The following CFAP161 variants were observed in gnomAD, a reference collection of about 807,000 sequenced individuals.
CFAP161 encodes the protein cilia and flagella associated protein 161.
A neutral mutation model predicts 29.0 loss-of-function variants in CFAP161; 25 were observed. That is an observed-to-expected ratio of 0.86 (90% CI 0.63 to 1.20). The LOEUF is 1.20. Ranked by LOEUF, CFAP161 falls within the 50% of genes most tolerant of loss-of-function variation. The pLI, the probability that CFAP161 is intolerant of heterozygous loss-of-function variation, is 0.00. For synonymous variants in CFAP161, 116 were observed against 137.4 expected, an observed-to-expected ratio of 0.84 and a Z score of 1.09; for missense variants, 367 against 371.9, an observed-to-expected ratio of 0.99 and a Z score of 0.11.
intron 6 of CFAP161, 119 bp from the exon 7 acceptor site, chr15:81,148,219 C>T (rs1359201689): frequency 2.9e-6 from 3 of 1,038,256 alleles, no homozygotes; most frequent in Non-Finnish European, 4.2e-6. Context: ...TTTAGAGATT[C>T]CCTAGGGCTT....
intron 2 of CFAP161, among the ~76,000 whole-genome samples, chr15:81,128,338 G>C (rs1894667068): frequency 6.6e-6 from 1 of 152,172 alleles, no homozygotes. Context: ...CTCAAACCCT[G>C]CTGCTGCCTT....
intron 1 of CFAP161, among the ~76,000 whole-genome samples, chr15:81,112,493 CAT>C (rs1894450681): frequency 1.3e-5 from 2 of 151,758 alleles, no homozygotes; most frequent in African/African-American, 4.8e-5. Context: ...AAAATTAAAA[CAT>C]AATTTTGAGA....
intron 3 of CFAP161, 69 bp from the exon 4 acceptor site, chr15:81,137,982 A>G (rs1384808326): frequency 1.7e-6 from 2 of 1,208,462 alleles, no homozygotes; most frequent in African/African-American, 3.1e-5. Context: ...CATGCATAAA[A>G]AATAGAGTCA....
intron 1 of CFAP161, among the ~76,000 whole-genome samples, chr15:81,115,659 G>T (rs1032634745): frequency 5.3e-5 from 8 of 152,060 alleles, no homozygotes; most frequent in African/African-American, 1.9e-4. Flanking sequence ...TGCATAATGG[G>T]TTTCAGCTAG....
chr15:81,100,379 TACG>T (rs1465409231), intron 1 of CFAP161, among the ~76,000 whole-genome samples: 3 of 151,890 alleles, frequency 2.0e-5, no homozygotes, highest in Non-Finnish European at 4.4e-5. Flanking sequence ...TATGGAAAGG[TACG>T]GCAGAGGCAT....
chr15:81,127,231 G>A (rs1282331257), intron 1 of CFAP161, among the ~76,000 whole-genome samples: 1 of 152,190 alleles, frequency 6.6e-6, no homozygotes, highest in East Asian at 1.9e-4. Context: ...TTGCCCTGTG[G>A]CTTTTAATTA....
intron 1 of CFAP161, among the ~76,000 whole-genome samples, chr15:81,117,006 T>C (rs1048555547): frequency 6.6e-6 from 1 of 152,122 alleles, no homozygotes; most frequent in African/African-American, 2.4e-5. Context: ...AAAAACCTTT[T>C]GGGGCTAGGA....
In CFAP161 at chr15:81,148,760, A is replaced by T; in HGVS notation, c.*227A>T. ...TAATTAGTATTTGAAAGTGACAAAC[A>T]ATAGCCTTTTGTTGATAAACAAATT... On this transcript the variant is annotated 3_prime_UTR_variant, in exon 7 of 7. Transcript: ENST00000286732. The T allele has an allele frequency of 5.0e-6, 2 of 401,050 alleles. No homozygotes were observed. Among genetic ancestry groups the T allele is most frequent in the Non-Finnish European group, 4.4e-6 (1 of 227,260 alleles). The allele number at this position is 401,050 out of a possible 1,614,324, so 24.8% of individuals were successfully genotyped here. A position where few individuals can be genotyped will look rare whatever the true frequency, so the allele number is the denominator to read the frequency against.
At chr15:81,133,224 TG>T (rs1211845578), upstream of CFAP161, among the ~76,000 whole-genome samples, 263 of 21,866 alleles carry the variant, frequency 0.012, 14 homozygotes, top group Non-Finnish European at 0.03. Flanking sequence ...TATATATATA[TG>T]TATTTTTTTT....
At chr15:81,132,545 G>A (rs952726566), upstream of CFAP161, among the ~76,000 whole-genome samples, 5 of 152,294 alleles carry the variant, frequency 3.3e-5, no homozygotes, top group African/African-American at 1.2e-4. Flanking sequence ...CTTCTCCTGA[G>A]TGATTTAAAG....
intron 1 of CFAP161, among the ~76,000 whole-genome samples, chr15:81,123,414 A>C (rs1894601093): frequency 6.6e-6 from 1 of 152,154 alleles, no homozygotes. Context: ...TTTTTGTACC[A>C]GTATCATGCT....
chr15:81,103,258 T>A (rs1374005454), intron 1 of CFAP161, among the ~76,000 whole-genome samples: 1 of 152,240 alleles, frequency 6.6e-6, no homozygotes, highest in African/African-American at 2.4e-5. Flanking sequence ...GATTCCTGGC[T>A]CATAACTCCC....
upstream of CFAP161, among the ~76,000 whole-genome samples, chr15:81,133,619 G>C (rs2141876661): frequency 6.6e-6 from 1 of 151,250 alleles, no homozygotes; most frequent in Middle Eastern, 3.4e-3. Context: ...GGCTACAGCA[G>C]AGTCTGGTTT....
intron 1 of CFAP161, among the ~76,000 whole-genome samples, chr15:81,122,495 C>CT (rs60283141): frequency 3.6e-4 from 50 of 138,434 alleles, no homozygotes; most frequent in South Asian, 1.2e-3. Flanking sequence ...TTCTTTCTTT[C>CT]TTTTTTTTTT....
intron 4 of CFAP161, 57 bp downstream of exon 4, chr15:81,138,192 G>A (rs760894391): frequency 2.5e-5 from 34 of 1,364,650 alleles, no homozygotes; most frequent in Non-Finnish European, 3.6e-5. Context: ...GCCCAAAATG[G>A]GATCATAACT....
intron 1 of CFAP161, among the ~76,000 whole-genome samples, chr15:81,122,377 T>C (rs1894584930): frequency 6.6e-6 from 1 of 152,212 alleles, no homozygotes; most frequent in Non-Finnish European, 1.5e-5. Context: ...CAGCATCTGC[T>C]ATTTTTTGAC....
chr15:81,131,235 CA>C (rs1366889095), upstream of CFAP161, among the ~76,000 whole-genome samples: 3 of 147,818 alleles, frequency 2.0e-5, no homozygotes, highest in East Asian at 5.9e-4. Flanking sequence ...TAGTTTTCAA[CA>C]AAAAATCATG....
At chr15:81,124,725 G>C (rs1037045471) in intron 1 of CFAP161, among the ~76,000 whole-genome samples, 1 of 151,986 alleles carries the variant, frequency 6.6e-6, no homozygotes, top group Non-Finnish European at 1.5e-5. Context: ...GTTTCTTCCT[G>C]GTTGAGTCTT....
chr15:81,134,202 G>A (rs1432767807), upstream of CFAP161: 7 of 1,142,474 alleles, frequency 6.1e-6, no homozygotes, highest in South Asian at 9.3e-5. Context: ...GCGAGGGTGC[G>A]CGCTGTCGCT....
Sources: gnomAD v4.1 joint callset for allele counts (sites outside exome capture counted in the v4.1 genomes callset) on GRCh38, gnomAD v4.1.1 for gene constraint, MANE v1.5 for transcripts, NCBI Gene and HGNC (gene_info 2026-07-23, HGNC 2026-07-21) for gene names.